The following ALK variants were observed in gnomAD, a reference collection of about 807,000 sequenced individuals.
The protein encoded by ALK is ALK tyrosine kinase receptor.
ALK carries 74 observed loss-of-function variants against 163.1 expected under a neutral mutation model. The observed-to-expected ratio is 0.45, with a 90% CI of 0.38 to 0.55. The LOEUF is 0.55. Ranked by LOEUF, ALK falls within the 20% of genes least tolerant of loss-of-function variation. The pLI, the probability that ALK is intolerant of heterozygous loss-of-function variation, is 0.00. For synonymous variants in ALK, 960 were observed against 843.2 expected (o/e 1.14, Z -2.40); for missense variants, 2,063 against 2,105.3 (o/e 0.98, Z 0.39).
chr2:29,605,455 T>C (rs926209965), intron 3 of ALK, among the ~76,000 whole-genome samples: 6 of 152,186 alleles, frequency 3.9e-5, no homozygotes, highest in Admixed American at 3.9e-4. Flanking sequence ...TCAAAATTCA[T>C]AGGTTGAAAT....
chr2:29,314,068 C>G (rs183834016), intron 8 of ALK, among the ~76,000 whole-genome samples: 1 of 152,138 alleles, frequency 6.6e-6, no homozygotes, highest in Non-Finnish European at 1.5e-5. Context: ...CCTGCTTCTG[C>G]GTCACACTGA....
intron 8 of ALK, among the ~76,000 whole-genome samples, chr2:29,316,046 C>G (rs1052134831): frequency 3.3e-5 from 5 of 152,280 alleles, no homozygotes; most frequent in African/African-American, 1.2e-4. Context: ...CTCACATAGT[C>G]CCCCAGAGAA....
At chr2:29,368,219 G>A (rs1484158475) in intron 5 of ALK, among the ~76,000 whole-genome samples, 1 of 152,190 alleles carries the variant, frequency 6.6e-6, no homozygotes. Context: ...AGAACACTGG[G>A]CTGCTCCTCA....
chr2:29,885,291 G>T (rs1666958168), intron 1 of ALK, among the ~76,000 whole-genome samples: 2 of 152,056 alleles, frequency 1.3e-5, no homozygotes, highest in African/African-American at 4.8e-5. Context: ...TCTAGATCAG[G>T]GGGTCACAAG....
chr2:29,753,618 A>G (rs1212795359), intron 1 of ALK, among the ~76,000 whole-genome samples: 3 of 152,210 alleles, frequency 2.0e-5, no homozygotes, highest in Non-Finnish European at 4.4e-5. Flanking sequence ...GAAAAAATCA[A>G]TTGTGTTCTT....
intron 3 of ALK, among the ~76,000 whole-genome samples, chr2:29,575,427 C>T (rs1481275446): frequency 2.6e-5 from 4 of 152,086 alleles, no homozygotes; most frequent in African/African-American, 9.7e-5. Context: ...GCTTCCTACC[C>T]CCACTGCAAC....
intron 6 of ALK, among the ~76,000 whole-genome samples, chr2:29,322,860 C>A (rs1472464569): frequency 6.6e-6 from 1 of 152,154 alleles, no homozygotes; most frequent in African/African-American, 2.4e-5. Flanking sequence ...AACAAACAAA[C>A]AAAACACCCC....
intron 4 of ALK, among the ~76,000 whole-genome samples, chr2:29,514,424 C>T (rs1672606976): frequency 6.6e-6 from 1 of 151,982 alleles, no homozygotes; most frequent in African/African-American, 2.4e-5. Context: ...ACCGCATATT[C>T]TCACTCATAG....
chr2:29,414,761 G>A (rs1364789759), intron 4 of ALK, among the ~76,000 whole-genome samples: 2 of 152,136 alleles, frequency 1.3e-5, no homozygotes, highest in African/African-American at 2.4e-5. Context: ...GCATGCAAAC[G>A]ATCCTTCCCC....
At chr2:29,512,822 A>G (rs985253450) in intron 4 of ALK, among the ~76,000 whole-genome samples, 3 of 150,878 alleles carry the variant, frequency 2.0e-5, no homozygotes, top group Non-Finnish European at 4.4e-5. Context: ...AAATCAATGT[A>G]CAAAAATCAC....
chr2:29,901,803 C>T (rs1238119948), intron 1 of ALK, among the ~76,000 whole-genome samples: 3 of 152,120 alleles, frequency 2.0e-5, no homozygotes, highest in African/African-American at 7.2e-5. Flanking sequence ...TGAACATTCT[C>T]GATCACCTTA....
At chr2:29,226,406 A>C (rs780679575) in intron 18 of ALK, among the ~76,000 whole-genome samples, 1 of 148,956 alleles carries the variant, frequency 6.7e-6, no homozygotes, top group Non-Finnish European at 1.5e-5. Context: ...TGAACCTGGG[A>C]AGCGGAGGTT....
At position 29,193,850 on chromosome 2, in the gene ALK, C is replaced by T. The variant is rs560530815; in HGVS notation, c.4237G>A (p.Val1413Met). 6 of 1,613,302 alleles carry T rather than the reference C, an allele frequency of 3.7e-6. No homozygotes were observed. The African/African-American group carries it at 6.7e-5, about 18-fold the overall frequency. ...ACCCCCTCAGGGTCCTTGGGCCTCA[C>T]AGGCACTTTCTCTTCCTCTTCCACA... ...PLVEEEEKVP[V>M]RPKDPEGVPP... is the part of the protein sequence containing the mutation. The change falls in exon 29 of 29, where the codon GTG (valine) becomes ATG (methionine). Residue 1413 changes from valine (V) to methionine (M), a missense_variant. By Grantham distance (21) the Val-to-Met change is conservative. This residue lies in a region of ALK where 403 missense variants were observed against 366.2 expected (regional missense o/e 1.10). Transcript: ENST00000389048.
intron 1 of ALK, among the ~76,000 whole-genome samples, chr2:29,857,265 G>A (rs779675011): frequency 3.3e-5 from 5 of 152,198 alleles, no homozygotes; most frequent in Non-Finnish European, 7.3e-5. Flanking sequence ...TAGAAAAGTA[G>A]AGGATAGTTC....
chr2:29,563,770 C>T (rs1270015620), intron 3 of ALK, among the ~76,000 whole-genome samples: 1 of 152,310 alleles, frequency 6.6e-6, no homozygotes, highest in East Asian at 1.9e-4. Context: ...TATAGTTTAA[C>T]TCTAAGACAA....
At chr2:29,751,741 G>T (rs1680371147) in intron 1 of ALK, among the ~76,000 whole-genome samples, 1 of 152,144 alleles carries the variant, frequency 6.6e-6, no homozygotes, top group Admixed American at 6.5e-5. Flanking sequence ...CATGTTGCCA[G>T]GCACAGTAGA....
At position 29,226,922 on chromosome 2, in the gene ALK, C is replaced by A. The variant is rs756986057; in HGVS notation, c.3067G>T (p.Val1023Leu). The change falls in exon 18 of 29, where the codon GTG (valine) becomes TTG (leucine). Residue 1023 changes from valine to leucine, a missense_variant and splice_region_variant. This residue lies in a region of ALK where 575 missense variants were observed against 626.6 expected (regional missense o/e 0.92). Coordinates refer to ENST00000389048, the MANE Select transcript of ALK (RefSeq NM_004304.5). ...GCCTCCCCTGGCCCTGCCCCCTTAC[C>A]AATGCAGGAGACGCCATCCTCAGCC... ...VLAEDGVSCI[V>L]SPTPEPHLPL... 3 of 1,614,100 alleles carry A rather than the reference C, an allele frequency of 1.9e-6. No individual in the cohort carries two copies. The highest frequency in any genetic ancestry group is 2.5e-6 in the Non-Finnish European group (3 of 1,180,030).
chr2:29,871,318 C>A (rs1666571224), intron 1 of ALK, among the ~76,000 whole-genome samples: 1 of 152,140 alleles, frequency 6.6e-6, no homozygotes, highest in Non-Finnish European at 1.5e-5. Context: ...ATAATAGAGC[C>A]ATGCAATCAT....
intron 3 of ALK, among the ~76,000 whole-genome samples, chr2:29,615,296 G>A (rs1675809820): frequency 6.6e-6 from 1 of 152,106 alleles, no homozygotes; most frequent in Non-Finnish European, 1.5e-5. Context: ...TCTTGTCCTA[G>A]GGTAAAGCTA....
Sources: gnomAD v4.1 joint callset for allele counts (sites outside exome capture counted in the v4.1 genomes callset) on GRCh38, gnomAD v4.1.1 for gene constraint, gnomAD v4.1.1 regional missense constraint, MANE v1.5 for transcripts, NCBI Gene and HGNC (gene_info 2026-07-23, HGNC 2026-07-21) for gene names.